The following SOX5 variants were observed in gnomAD, a reference collection of about 807,000 sequenced individuals.
SOX5 encodes transcription factor SOX-5.
SOX5 carries 9 observed loss-of-function variants against 92.0 expected under a neutral mutation model. That is an observed-to-expected ratio of 0.10 (90% CI 0.06 to 0.17). The LOEUF is 0.17. Ranked by LOEUF, SOX5 falls within the 10% of genes least tolerant of loss-of-function variation. SOX5 has a pLI of 1.00. For synonymous variants in SOX5, 344 were observed against 336.3 expected (o/e 1.02, Z -0.25); for missense variants, 642 against 944.5 (o/e 0.68, Z 4.20).
intron 6 of SOX5, among the ~76,000 whole-genome samples, chr12:23,723,213 CCTCT>C (rs375588805): frequency 1.3e-5 from 2 of 149,296 alleles, no homozygotes; most frequent in East Asian, 2.0e-4. Context: ...TCTCTTTCTC[CCTCT>C]CTCTCTCTCT....
chr12:24,159,930 C>T (rs1344789705), intron 4 of SOX5, among the ~76,000 whole-genome samples: 1 of 151,898 alleles, frequency 6.6e-6, no homozygotes, highest in African/African-American at 2.4e-5. Context: ...TATTTTTAAC[C>T]AGGATGTGCC....
intron 4 of SOX5, among the ~76,000 whole-genome samples, chr12:23,980,340 C>A (rs1949455777): frequency 6.6e-6 from 1 of 152,014 alleles, no homozygotes; most frequent in Admixed American, 6.6e-5. Flanking sequence ...GCTTCATTTT[C>A]TTTGAGTATT....
intron 1 of SOX5, among the ~76,000 whole-genome samples, chr12:24,396,517 C>T (rs564938018): frequency 4.6e-5 from 7 of 152,218 alleles, no homozygotes; most frequent in East Asian, 1.9e-4. Flanking sequence ...CATGCTGGCA[C>T]GGCTGGTTAA....
At chr12:23,886,207 T>C (rs2097062734) in intron 2 of SOX5, among the ~76,000 whole-genome samples, 1 of 152,186 alleles carries the variant, frequency 6.6e-6, no homozygotes, top group Non-Finnish European at 1.5e-5. Flanking sequence ...TGTCCTTGTA[T>C]ATACTATTAA....
intron 2 of SOX5, among the ~76,000 whole-genome samples, chr12:23,863,488 T>C (rs1357514080): frequency 6.6e-6 from 1 of 152,158 alleles, no homozygotes; most frequent in African/African-American, 2.4e-5. Flanking sequence ...CATCTCTGAT[T>C]CCTTTGAATG....
chr12:23,614,758 C>A (rs915390347), intron 8 of SOX5, among the ~76,000 whole-genome samples: 6 of 152,156 alleles, frequency 3.9e-5, no homozygotes, highest in South Asian at 4.1e-4. Context: ...GCTGAACCAT[C>A]TTTCATTTCC....
intron 1 of SOX5, among the ~76,000 whole-genome samples, chr12:24,543,810 A>G (rs1952362929): frequency 6.6e-6 from 1 of 152,256 alleles, no homozygotes; most frequent in Admixed American, 6.5e-5. Context: ...GTCTACACTC[A>G]ATAATGGAAA....
At chr12:24,058,077 T>C (rs751921948) in intron 4 of SOX5, among the ~76,000 whole-genome samples, 3 of 152,272 alleles carry the variant, frequency 2.0e-5, no homozygotes, top group Non-Finnish European at 4.4e-5. Context: ...TAGCTCAGCA[T>C]AGCTTTTATC....
At chr12:24,425,218 G>A (rs1221575490) in intron 1 of SOX5, among the ~76,000 whole-genome samples, 2 of 152,098 alleles carry the variant, frequency 1.3e-5, no homozygotes, top group Admixed American at 6.6e-5. Context: ...TGTCTTCTTC[G>A]TGATGTTATC....
rs546416230 is a variant in SOX5 at position 24,206,470 on chromosome 12, T to C, written c.-2+6873A>G. Among the ~76,000 whole-genome samples, 3 of 152,312 alleles carry C rather than the reference T, an allele frequency of 2.0e-5. No individual in the cohort carries two copies. The South Asian group carries it at 6.2e-4, about 32-fold the overall frequency. Reference sequence around the variant, plus strand: ...GCATTTGACTATGTTATCAACACTTTACTTGCTAATGATACTAGTGACAGC... The same window carrying C: ...GCATTTGACTATGTTATCAACACTTCACTTGCTAATGATACTAGTGACAGC... On this transcript the variant is annotated intron_variant, in intron 4 of 4. Transcript: ENST00000446891.
At chr12:24,397,324 C>T (rs12423507) in intron 1 of SOX5, among the ~76,000 whole-genome samples, 2,161 of 152,024 alleles carry the variant, frequency 0.014, 153 homozygotes, top group Admixed American at 0.12. Flanking sequence ...GACAGTTTTT[C>T]GACCATCAGA....
At chr12:23,880,500 A>C (rs925296086) in intron 2 of SOX5, among the ~76,000 whole-genome samples, 1 of 152,224 alleles carries the variant, frequency 6.6e-6, no homozygotes, top group Non-Finnish European at 1.5e-5. Flanking sequence ...TTCAGAAAAC[A>C]CAAGAAGGGA....
At chr12:24,172,115 G>A (rs1344738972) in intron 4 of SOX5, among the ~76,000 whole-genome samples, 1 of 152,088 alleles carries the variant, frequency 6.6e-6, no homozygotes, top group African/African-American at 2.4e-5. Flanking sequence ...GTGTGTCTGT[G>A]TGCTGTAAGC....
intron 4 of SOX5, among the ~76,000 whole-genome samples, chr12:24,044,741 C>A (rs898306982): frequency 6.6e-6 from 1 of 152,156 alleles, no homozygotes; most frequent in Non-Finnish European, 1.5e-5. Context: ...TAAAATGCAT[C>A]CCTGATTGGC....
intron 6 of SOX5, among the ~76,000 whole-genome samples, chr12:23,672,974 C>CA (rs1038502743): frequency 9.2e-5 from 14 of 151,826 alleles, no homozygotes; most frequent in African/African-American, 2.9e-4. Flanking sequence ...TATCAAATTT[C>CA]AAAAAATGAT....
intron 11 of SOX5, among the ~76,000 whole-genome samples, chr12:23,548,589 C>T (rs1216094178): frequency 6.6e-6 from 1 of 151,784 alleles, no homozygotes; most frequent in Non-Finnish European, 1.5e-5. Flanking sequence ...TGAGGTATGC[C>T]TTTAATTAAA....
At chr12:23,639,767 T>G (rs2079794495) in intron 8 of SOX5, among the ~76,000 whole-genome samples, 1 of 152,224 alleles carries the variant, frequency 6.6e-6, no homozygotes, top group African/African-American at 2.4e-5. Flanking sequence ...GAAACTCAGC[T>G]GGCCTTTCAG....
At chr12:24,135,226 TCA>T (rs1950010220) in intron 4 of SOX5, among the ~76,000 whole-genome samples, 1 of 152,168 alleles carries the variant, frequency 6.6e-6, no homozygotes. Flanking sequence ...CAGTATCCAA[TCA>T]CAAGTTAATT....
At chr12:24,005,752 CACAGAT>C (rs1952085798) in intron 4 of SOX5, among the ~76,000 whole-genome samples, 1 of 152,140 alleles carries the variant, frequency 6.6e-6, no homozygotes, top group South Asian at 2.1e-4. Flanking sequence ...TGAATGATGT[CACAGAT>C]ACAGCTGTCA....
Sources: allele counts gnomAD v4.1 joint callset (sites outside exome capture counted in the v4.1 genomes callset), GRCh38; gene constraint gnomAD v4.1.1; transcripts MANE v1.5; gene names NCBI Gene and HGNC (gene_info 2026-07-23, HGNC 2026-07-21).